The following MKS1 variants were observed in gnomAD, a reference collection of about 807,000 sequenced individuals.
MKS1 encodes the protein MKS transition zone complex subunit 1.
In MKS1, 70 loss-of-function variants were observed where a neutral mutation model predicts 83.7. The observed-to-expected ratio is 0.84, with a 90% CI of 0.69 to 1.02. MKS1 has a LOEUF of 1.02. Ranked by LOEUF, MKS1 falls within the 50% of genes least tolerant of loss-of-function variation. The pLI is 0.00. For missense variants in MKS1, 681 were observed against 726.9 expected (o/e 0.94, Z 0.73); for synonymous variants, 251 against 273.4 (o/e 0.92, Z 0.81).
At position 58,212,974 on chromosome 17, in the gene MKS1, G is replaced by A. The variant is rs374489672; in HGVS notation, c.858+8C>T. 8.1e-6 allele frequency: 13 copies of A among 1,613,030 alleles called. No homozygotes were observed. Among genetic ancestry groups the A allele is most frequent in the Non-Finnish European group, 1.1e-5 (13 of 1,179,168 alleles). Reference sequence around the variant, plus strand: ...TCCCTTGGATACTTGGAATGAACTTGCGCTTACATCCTTGAACACTCGCCG... The same window carrying A: ...TCCCTTGGATACTTGGAATGAACTTACGCTTACATCCTTGAACACTCGCCG... On this transcript the variant is annotated splice_region_variant and intron_variant, in intron 8 of 17. Transcript: ENST00000393119.
rs762285515 is a variant in MKS1 at position 58,216,282 on chromosome 17, TATAATACATCAAACTTTTGCTTC to T, written c.262-62_262-40del. On this transcript the variant is annotated intron_variant, in intron 3 of 17. Transcript: ENST00000393119. ...AAGGAAACAGAGATGTGTACATCAT[TATAATACATCAAACTTTTGCTTC>T]TGTAACTGTTTAATCAAATCAGTTC... 45 of 1,596,496 alleles carry T rather than the reference TATAATACATCAAACTTTTGCTTC, an allele frequency of 2.8e-5. No individual in the cohort carries two copies. Among genetic ancestry groups the T allele is most frequent in the South Asian group, 7.7e-5 (7 of 90,844 alleles).
At chr17:58,214,419 G>T (rs1969070599) in intron 5 of MKS1, 32 bp from the exon 6 acceptor site, 1 of 1,612,118 alleles carries the variant, frequency 6.2e-7, no homozygotes, top group Admixed American at 1.7e-5. Context: ...TCACTTCCCT[G>T]GCACACCCCA....
At chr17:58,214,017 A>T in intron 6 of MKS1, 148 bp from the exon 7 acceptor site, 1 of 941,710 alleles carries the variant, frequency 1.1e-6, no homozygotes, top group Non-Finnish European at 1.6e-6. Context: ...AAGAAAAAAA[A>T]GGAAGAAAAA....
intron 2 of MKS1, among the ~76,000 whole-genome samples, chr17:58,218,049 C>T (rs1024379964): frequency 1.3e-5 from 2 of 152,228 alleles, no homozygotes; most frequent in African/African-American, 2.4e-5. Flanking sequence ...TTGATCTATA[C>T]ATGCACATCA....
Position 58,210,962 on chromosome 17 carries a change from T to C in MKS1, c.958+18A>G. On this transcript the variant is annotated intron_variant, in intron 10 of 17. Transcript: ENST00000393119. ...ACGTGCCTAAGCATCAAGAGATCTATGCTAGCAAGACACTTACCGACCTCT... is the reference window on the plus strand; with the variant it reads ...ACGTGCCTAAGCATCAAGAGATCTACGCTAGCAAGACACTTACCGACCTCT... The C allele has an allele frequency of 1.2e-6, 2 of 1,612,906 alleles. No homozygotes were observed. Among genetic ancestry groups the C allele is most frequent in the African/African-American group, 1.3e-5 (1 of 75,016 alleles).
rs140658242 is a variant in MKS1, at chr17:58,210,317, G to A, written c.1024+342C>T. 6.6e-5 allele frequency among the ~76,000 whole-genome samples: 10 copies of A among 152,236 alleles called. No individual in the cohort carries two copies. In the South Asian group the frequency reaches 2.1e-3, roughly 32 times the overall value. Reference sequence around the variant, plus strand: ...GACTGCAGACAGAGAGTAACAGAAGGCCTTGGCTTAGCTGTGGGTACTCTC... The same window carrying A: ...GACTGCAGACAGAGAGTAACAGAAGACCTTGGCTTAGCTGTGGGTACTCTC... On this transcript the variant is annotated intron_variant, in intron 11 of 17. Transcript: ENST00000393119.
chr17:58,208,175 C>G lies in MKS1; in HGVS notation c.1096-1G>C, dbSNP rs1401015954. The G allele has an allele frequency of 1.2e-6, 2 of 1,611,198 alleles. No homozygotes were observed. Among genetic ancestry groups the G allele is most frequent in the Admixed American group, 1.7e-5 (1 of 59,992 alleles). On this transcript the variant is annotated splice_acceptor_variant, in intron 12 of 17. Transcript: ENST00000393119. LOFTEE classifies it high-confidence loss of function. ...GGTAGGAGAAGTGAGCCACCTTGTC[C>G]TATAAAAAGGAGTGTCATAGGGTGG...
intron 1 of MKS1, 200 bp downstream of exon 1, chr17:58,218,951 G>A (rs898494524): frequency 1.0e-4 from 88 of 877,730 alleles, no homozygotes; most frequent in South Asian, 1.4e-4. Flanking sequence ...CAACAAAGAC[G>A]TGAATGGACT....
intron 13 of MKS1, 22 bp from the exon 14 acceptor site, chr17:58,208,023 G>A: frequency 6.2e-7 from 1 of 1,612,002 alleles, no homozygotes; most frequent in East Asian, 2.2e-5. Context: ...GAGAGAAGCG[G>A]CCAGGTCACA....
chr17:58,214,155 T>C, intron 6 of MKS1, 104 bp downstream of exon 6: 1 of 1,547,516 alleles, frequency 6.5e-7, no homozygotes, highest in East Asian at 2.2e-5. Context: ...GAAGAAAAAG[T>C]CCCTCCCTCC....
rs770493819 is a variant in MKS1, at chr17:58,207,958, C to T, written c.1209G>A (p.Ser403=). 26 of 1,613,972 alleles carry T rather than the reference C, an allele frequency of 1.6e-5. No homozygotes were observed. Among genetic ancestry groups the T allele is most frequent in the South Asian group, 5.5e-5 (5 of 91,064 alleles). Residue 403 remains serine (S), a synonymous_variant, in exon 14 of 18, where the codon TCG becomes TCA. Transcript: ENST00000393119. ...EWPVLYCEVL[S]LDFWQRYRVE... Reference sequence around the variant, plus strand: ...CACGGTACCTCTGCCAGAAGTCCAGCGAGAGGACCTCACAGTAGAGCACAG... The same window carrying T: ...CACGGTACCTCTGCCAGAAGTCCAGTGAGAGGACCTCACAGTAGAGCACAG...
rs554979343 is a variant in MKS1, at chr17:58,206,662, G to T, written c.1408-115C>A. 1.4e-4 allele frequency: 148 copies of T among 1,065,158 alleles called. No homozygotes were observed. The African/African-American group carries it at 2.1e-3, about 15-fold the overall frequency. 66.0% of individuals were successfully genotyped at this position (1,065,158 alleles called of 1,614,324 possible). A position where few individuals can be genotyped will look rare whatever the true frequency, so the allele number is the denominator to read the frequency against. On this transcript the variant is annotated intron_variant, in intron 15 of 17. Transcript: ENST00000393119. The stretch of plus-strand genomic sequence containing the variant: ...TCTTGGGAAGCGCAGTTCTGTTGGG[G>T]AAACCTTATTCCATCACCCAGACTC...
chr17:58,215,042 A>AT, intron 4 of MKS1: 1 of 733,798 alleles, frequency 1.4e-6, no homozygotes, highest in Admixed American at 2.9e-5. Flanking sequence ...TTGCCTTTGG[A>AT]TTTTAAAAAG....
intron 14 of MKS1, 198 bp from the exon 15 acceptor site, chr17:58,207,416 G>T (rs1968588410): frequency 2.9e-6 from 2 of 686,896 alleles, no homozygotes; most frequent in Admixed American, 5.7e-5. Context: ...TTTCCGCTCT[G>T]CCAGTTATTA....
chr17:58,218,447 C>CAAA lies in MKS1; in HGVS notation c.190+170_190+172dup, dbSNP rs67834721. ...TGGGGGAAAGAGCAAGACTCCGTCT[C>CAAA]AAAAAAAAAAAAAAAAAAAAAAAAA... On this transcript the variant is annotated intron_variant, in intron 2 of 17. Coordinates refer to ENST00000393119, the MANE Select transcript of MKS1 (RefSeq NM_017777.4). The CAAA allele has an allele frequency of 1.2e-3, 281 of 242,384 alleles. 2 individuals are homozygous for CAAA. Among genetic ancestry groups the CAAA allele is most frequent in the African/African-American group, 3.0e-3 (64 of 21,330 alleles). The allele number at this position is 242,384 out of a possible 1,614,324, so 15.0% of individuals were successfully genotyped here.
At chr17:58,208,069 G>T in intron 13 of MKS1, 36 bp downstream of exon 13, 1 of 1,608,370 alleles carries the variant, frequency 6.2e-7, no homozygotes, top group Admixed American at 1.7e-5. Context: ...TGCTTGAGGG[G>T]AACCAAGGCC....
At chr17:58,207,501 ACCTGCAC>A (rs1256111888) in intron 14 of MKS1, 4 of 560,142 alleles carry the variant, frequency 7.1e-6, no homozygotes, top group Non-Finnish European at 1.3e-5. Context: ...AAATAATACC[ACCTGCAC>A]CTCACAGAGT....
chr17:58,212,869 G>A (rs1968954737), intron 8 of MKS1, 113 bp downstream of exon 8: 1 of 974,438 alleles, frequency 1.0e-6, no homozygotes, highest in African/African-American at 1.6e-5. Flanking sequence ...GTCAGAAGGG[G>A]CCATGAAGGG....
chr17:58,211,652 T>G (rs1261826473), intron 9 of MKS1, among the ~76,000 whole-genome samples: 1 of 152,126 alleles, frequency 6.6e-6, no homozygotes, highest in East Asian at 1.9e-4. Context: ...AAACTCAAAC[T>G]TCTAGGCTCA....
Sources: allele counts gnomAD v4.1 joint callset (sites outside exome capture counted in the v4.1 genomes callset), GRCh38; gene constraint gnomAD v4.1.1; transcripts MANE v1.5; gene names NCBI Gene and HGNC (gene_info 2026-07-23, HGNC 2026-07-21).